The following ENOX1 variants were observed in gnomAD, a reference collection of about 807,000 sequenced individuals.
ENOX1 encodes ecto-NOX disulfide-thiol exchanger 1.
A neutral mutation model predicts 82.5 loss-of-function variants in ENOX1; 42 were observed. That is an observed-to-expected ratio of 0.51 (90% CI 0.40 to 0.66). The LOEUF is 0.66. Among genes scored for constraint, ENOX1 ranks in the 30% least tolerant of loss-of-function variants. The pLI is 0.00. For synonymous variants in ENOX1, 271 were observed against 282.2 expected (o/e 0.96, Z 0.40); for missense variants, 608 against 811.6 (o/e 0.75, Z 3.05).
intron 1 of ENOX1, among the ~76,000 whole-genome samples, chr13:43,768,779 C>T (rs970560298): frequency 1.3e-5 from 2 of 152,340 alleles, no homozygotes; most frequent in East Asian, 3.9e-4. Flanking sequence ...ATACTCCCAA[C>T]TAGCAGTCAC....
intron 1 of ENOX1, among the ~76,000 whole-genome samples, chr13:43,669,115 G>A (rs1001854014): frequency 2.0e-5 from 3 of 152,168 alleles, no homozygotes; most frequent in East Asian, 1.9e-4. Flanking sequence ...TAGCAGAACT[G>A]TACCTCCACA....
intron 2 of ENOX1, among the ~76,000 whole-genome samples, chr13:43,661,581 C>T (rs1156420638): frequency 6.6e-6 from 1 of 152,066 alleles, no homozygotes; most frequent in East Asian, 1.9e-4. Flanking sequence ...CTGTATAGGG[C>T]AGGAAGTCTG....
intron 2 of ENOX1, among the ~76,000 whole-genome samples, chr13:43,527,785 T>G (rs1355941560): frequency 1.3e-5 from 2 of 152,162 alleles, no homozygotes; most frequent in Non-Finnish European, 2.9e-5. Context: ...GATTAAAACA[T>G]AAAGACACCT....
chr13:43,692,595 G>A (rs1185218654), intron 1 of ENOX1, among the ~76,000 whole-genome samples: 2 of 151,988 alleles, frequency 1.3e-5, no homozygotes, highest in Non-Finnish European at 2.9e-5. Context: ...AATATATAAA[G>A]AACTCTTTTG....
chr13:43,618,080 G>A (rs2153744272), intron 2 of ENOX1, among the ~76,000 whole-genome samples: 1 of 152,188 alleles, frequency 6.6e-6, no homozygotes, highest in South Asian at 2.1e-4. Flanking sequence ...TGATGGGACT[G>A]ATTTTTTCTT....
In ENOX1 at chr13:43,590,165, A is replaced by G. The variant is rs1407345744; in HGVS notation, c.-219+77314T>C. ...CAATCAGACAAAAAAATAACAAAAC[A>G]GATGATTTTATAAATAAAAAAGAAA... On this transcript the variant is annotated intron_variant, in intron 2 of 16. Coordinates refer to ENST00000690772, the MANE Select transcript of ENOX1 (RefSeq NM_001347969.2). Among the ~76,000 whole-genome samples, 4 of 152,158 alleles carry G rather than the reference A, an allele frequency of 2.6e-5. No homozygotes were observed. In the East Asian group the frequency reaches 7.7e-4, roughly 29 times the overall value.
At chr13:43,432,366 T>A (rs952145989) in intron 3 of ENOX1, among the ~76,000 whole-genome samples, 1 of 152,052 alleles carries the variant, frequency 6.6e-6, no homozygotes, top group Non-Finnish European at 1.5e-5. Context: ...TCAGGCAGGG[T>A]ACAGTGGCTA....
At position 43,597,723 on chromosome 13, in the gene ENOX1, C is replaced by T. The variant is rs145607766; in HGVS notation, c.-219+69756G>A. Among the ~76,000 whole-genome samples the T allele has an allele frequency of 5.9e-4, 90 of 152,322 alleles. 1 individual carries two copies. Among genetic ancestry groups the T allele is most frequent in the East Asian group, 2.5e-3 (13 of 5,188 alleles). ...AAACCCTGCAAAGTCTCCCATCTCA[C>T]TCAGAGAAAAAGCTGAGTCCTTACA... On this transcript the variant is annotated intron_variant, in intron 2 of 16. Coordinates refer to ENST00000690772, the MANE Select transcript of ENOX1 (RefSeq NM_001347969.2).
chr13:43,396,250 T>G (rs890339957), intron 5 of ENOX1, among the ~76,000 whole-genome samples: 3 of 152,226 alleles, frequency 2.0e-5, no homozygotes, highest in Non-Finnish European at 4.4e-5. Context: ...TAGCAAGATT[T>G]GAGTTCCTTA....
At chr13:43,648,352 G>GCTT (rs1194096986) in intron 2 of ENOX1, among the ~76,000 whole-genome samples, 5 of 152,202 alleles carry the variant, frequency 3.3e-5, no homozygotes, top group African/African-American at 9.6e-5. Context: ...GCCATGGTCA[G>GCTT]CTTCTGCAAC....
intron 1 of ENOX1, among the ~76,000 whole-genome samples, chr13:43,669,497 T>C (rs576908750): frequency 1.3e-5 from 2 of 152,228 alleles, no homozygotes; most frequent in African/African-American, 4.8e-5. Flanking sequence ...CCCTTCCTTT[T>C]GTGAGAAGAA....
At chr13:43,464,053 A>G (rs1421336044) in intron 3 of ENOX1, among the ~76,000 whole-genome samples, 3 of 152,212 alleles carry the variant, frequency 2.0e-5, no homozygotes, top group African/African-American at 7.2e-5. Flanking sequence ...GTGCTATTGT[A>G]GAAACATTTC....
intron 1 of ENOX1, among the ~76,000 whole-genome samples, chr13:43,783,255 T>C (rs569592339): frequency 1.7e-4 from 26 of 152,252 alleles, no homozygotes; most frequent in Admixed American, 1.4e-3. Context: ...CACAATATAT[T>C]ATACACAATG....
At chr13:43,572,440 G>A (rs1243760593) in intron 2 of ENOX1, among the ~76,000 whole-genome samples, 2 of 152,156 alleles carry the variant, frequency 1.3e-5, no homozygotes, top group African/African-American at 2.4e-5. Context: ...TAGACCAAAA[G>A]GCTTAGGTGA....
chr13:43,644,801 C>A (rs1339593652), intron 2 of ENOX1, among the ~76,000 whole-genome samples: 1 of 152,192 alleles, frequency 6.6e-6, no homozygotes, highest in Non-Finnish European at 1.5e-5. Context: ...CCTTTAAAGC[C>A]ATATTCACAG....
At chr13:43,690,701 A>T (rs1341972139) in intron 1 of ENOX1, among the ~76,000 whole-genome samples, 1 of 152,172 alleles carries the variant, frequency 6.6e-6, no homozygotes, top group Non-Finnish European at 1.5e-5. Flanking sequence ...GTCAGCTCCA[A>T]CAAGTCTTTC....
At position 43,361,301 on chromosome 13, in the gene ENOX1, A is replaced by G; in HGVS notation, c.360T>C (p.Cys120=). 6.2e-7 allele frequency: 1 copy of G among 1,613,776 alleles called. No homozygotes were observed. Among genetic ancestry groups the G allele is most frequent in the Non-Finnish European group, 8.5e-7 (1 of 1,179,822 alleles). Reference sequence around the variant, plus strand: ...TACTTGGATTTTGAGGAAAAAGAGTACAGCTTTTGCAGTGGATTATTTCTT... The same window carrying G: ...TACTTGGATTTTGAGGAAAAAGAGTGCAGCTTTTGCAGTGGATTATTTCTT... The part of the protein sequence containing the change: ...VVKEIIHCKS[C]TLFPQNPNLP... The change falls in exon 6 of 17, where the codon TGT becomes TGC. Residue 120 remains cysteine, a synonymous_variant. Coordinates refer to ENST00000690772, the MANE Select transcript of ENOX1 (RefSeq NM_001347969.2).
In ENOX1 at chr13:43,531,324, T is replaced by C. The variant is rs531948607; in HGVS notation, c.-218-47172A>G. Among the ~76,000 whole-genome samples the C allele has an allele frequency of 2.5e-3, 380 of 152,040 alleles. 3 individuals are homozygous for C. Among genetic ancestry groups the C allele is most frequent in the African/African-American group, 8.1e-3 (337 of 41,480 alleles). On this transcript the variant is annotated intron_variant, in intron 2 of 16. Coordinates refer to ENST00000690772, the MANE Select transcript of ENOX1 (RefSeq NM_001347969.2). ...ATGCAGCCAAAAACACATGAAAAAATGCTCATCATCACTGGCCATCAGAGA... is the reference window on the plus strand; with the variant it reads ...ATGCAGCCAAAAACACATGAAAAAACGCTCATCATCACTGGCCATCAGAGA...
intron 3 of ENOX1, 149 bp downstream of exon 3, chr13:43,483,860 A>G (rs954835675): frequency 3.5e-6 from 1 of 287,898 alleles, no homozygotes. Context: ...TTTCATTTAA[A>G]TCTAACTTTC....
Sources: gnomAD v4.1 joint callset for allele counts (sites outside exome capture counted in the v4.1 genomes callset) on GRCh38, gnomAD v4.1.1 for gene constraint, MANE v1.5 for transcripts, NCBI Gene and HGNC (gene_info 2026-07-23, HGNC 2026-07-21) for gene names.